Variants in MSH5 observed in about 807,000 individuals in gnomAD.
MSH5 encodes the protein mutS protein homolog 5.
MSH5 carries 78 observed loss-of-function variants against 107.7 expected under a neutral mutation model. The observed-to-expected ratio is 0.72, with a 90% CI of 0.60 to 0.87. MSH5 has a LOEUF of 0.87. MSH5 is among the 40% of genes least tolerant of loss of function. The pLI, the probability that MSH5 is intolerant of heterozygous loss-of-function variation, is 0.00. For missense variants in MSH5, 889 were observed against 1,046.6 expected (o/e 0.85, Z 2.08); for synonymous variants, 326 against 399.5 (o/e 0.82, Z 2.19).
In MSH5 at chr6:31,753,613, G is replaced by T. The variant is rs1490228829; in HGVS notation, c.998G>T (p.Trp333Leu). ...TTGTCCCACACCAAGGTCAGCGACTGGCAGGTTCTCTACAAGGTAAGGCCT... is the reference window on the plus strand; with the variant it reads ...TTGTCCCACACCAAGGTCAGCGACTTGCAGGTTCTCTACAAGGTAAGGCCT... ...MKLSHTKVSD[W>L]QVLYKTVYSA... Residue 333 changes from tryptophan (W) to leucine (L), a missense_variant, in exon 12 of 25, where the codon TGG becomes TTG. Transcript: ENST00000375750. 1 of 1,614,172 alleles carries T rather than the reference G, an allele frequency of 6.2e-7. No homozygotes were observed. Among genetic ancestry groups the T allele is most frequent in the East Asian group, 2.2e-5 (1 of 44,882 alleles).
In MSH5 at chr6:31,758,437, A is replaced by G; in HGVS notation, c.1144-111A>G. On this transcript the variant is annotated intron_variant, in intron 13 of 24. Transcript: ENST00000375750. This position sits in a 1 kb window ranked among gnomAD's most constrained non-coding sequence, Gnocchi z 5.1. ...GGAGGCAGCAGAACTTCAGGGAAGT[A>G]TCTGGAGGGTGAGAGTTAAAGGAGG... 6.4e-7 allele frequency: 1 copy of G among 1,551,182 alleles called. No homozygotes were observed. The highest frequency in any genetic ancestry group is 1.1e-5 in the South Asian group (1 of 88,436).
Position 31,760,290 on chromosome 6 carries a change from A to C in MSH5, c.1812+74A>C. 1.3e-6 allele frequency: 2 copies of C among 1,506,822 alleles called. No individual in the cohort carries two copies. Among genetic ancestry groups the C allele is most frequent in the Non-Finnish European group, 1.8e-6 (2 of 1,130,318 alleles). The allele number at this position is 1,506,822 out of a possible 1,614,324, so 93.3% of individuals were successfully genotyped here. Reference sequence around the variant, plus strand: ...TCCACCCCTACTTGCCAGCCAACTCAGGCTCCTGCAGCTCTTCTCCCATTT... The same window carrying C: ...TCCACCCCTACTTGCCAGCCAACTCCGGCTCCTGCAGCTCTTCTCCCATTT... On this transcript the variant is annotated intron_variant, in intron 19 of 24. Coordinates refer to ENST00000375750, the MANE Select transcript of MSH5 (RefSeq NM_172166.4). The surrounding 1 kb of genome is among the most constrained non-coding windows in gnomAD (Gnocchi z 5.6).
rs1233364549 is a variant in MSH5 at position 31,760,077 on chromosome 6, C to G, written c.1686-13C>G. 9 of 1,601,136 alleles carry G rather than the reference C, an allele frequency of 5.6e-6. No individual in the cohort carries two copies. In the Admixed American group the frequency reaches 1.4e-4, roughly 24 times the overall value. On this transcript the variant is annotated splice_polypyrimidine_tract_variant and intron_variant, in intron 18 of 24. Coordinates refer to ENST00000375750, the MANE Select transcript of MSH5 (RefSeq NM_172166.4). The surrounding 1 kb of genome is among the most constrained non-coding windows in gnomAD (Gnocchi z 5.6). ...TCCACAAGCCATGCGAGGTGCCTCT[C>G]CGCCCACTGCAGACATCCTCTGATG... is the stretch of plus-strand genomic sequence containing the variant.
chr6:31,749,996 T>C (rs1809805799), intron 10 of MSH5, among the ~76,000 whole-genome samples: 1 of 152,138 alleles, frequency 6.6e-6, no homozygotes, highest in Non-Finnish European at 1.5e-5. Context: ...GGCAGGGTAA[T>C]TTAATTACCC....
Position 31,745,312 on chromosome 6 carries a change from C to T in MSH5, c.759C>T (p.Ser253=), listed in dbSNP as rs560455961. The T allele has an allele frequency of 4.3e-6, 7 of 1,610,626 alleles. No homozygotes were observed. The South Asian group carries it at 5.5e-5, about 13-fold the overall frequency. ...CCAGTGGACTGAAGGAGGGGCTCAG[C>T]CTCTTTGGTAGGTGTGCCCCATCCC... ...KVASGLKEGL[S]LFGILNRCHC... Residue 253 remains serine (S), a synonymous_variant, in exon 9 of 25, where the codon AGC becomes AGT. Transcript: ENST00000375750.
chr6:31,750,083 G>C (rs1462829623), intron 10 of MSH5, among the ~76,000 whole-genome samples: 1 of 152,176 alleles, frequency 6.6e-6, no homozygotes, highest in Non-Finnish European at 1.5e-5. Context: ...CAGTGGAGAA[G>C]AGAGCTGGAT....
At position 31,758,344 on chromosome 6, in the gene MSH5, T is replaced by A; in HGVS notation, c.1143+51T>A. 1 of 1,605,962 alleles carries A rather than the reference T, an allele frequency of 6.2e-7. No homozygotes were observed. Among genetic ancestry groups the A allele is most frequent in the Non-Finnish European group, 8.5e-7 (1 of 1,175,678 alleles). On this transcript the variant is annotated intron_variant, in intron 13 of 24. Transcript: ENST00000375750. This position sits in a 1 kb window ranked among gnomAD's most constrained non-coding sequence, Gnocchi z 5.1. ...ACCCAGGGAGGTCAGGGAGAGAGAA[T>A]GCAGTGTGCAAGATGGGGAAACATG...
chr6:31,759,378 GA>G lies in MSH5; in HGVS notation c.1408-46del, dbSNP rs1171256016. 1 of 1,587,090 alleles carries G rather than the reference GA, an allele frequency of 6.3e-7. No homozygotes were observed. Among genetic ancestry groups the G allele is most frequent in the African/African-American group, 1.3e-5 (1 of 74,316 alleles). ...GGGTTAGAAAGATGGGGAAGGAGAG[GA>G]GGACCAAGAGATGCAAAGTCCACAG... On this transcript the variant is annotated intron_variant, in intron 16 of 24. Transcript: ENST00000375750. This position sits in a 1 kb window ranked among gnomAD's most constrained non-coding sequence, Gnocchi z 4.7.
chr6:31,755,621 C>G (rs1810385059), intron 12 of MSH5, among the ~76,000 whole-genome samples: 1 of 152,168 alleles, frequency 6.6e-6, no homozygotes, highest in Non-Finnish European at 1.5e-5. Context: ...CCCGGCCTCC[C>G]AAAGTGCTGG....
In MSH5 at chr6:31,747,504, A is replaced by C. The variant is rs372182240; in HGVS notation, c.812+72A>C. The C allele has an allele frequency of 4.0e-6, 6 of 1,513,976 alleles. No homozygotes were observed. The East Asian group carries it at 1.4e-4, about 34-fold the overall frequency. The allele number at this position is 1,513,976 out of a possible 1,614,324, so 93.8% of individuals were successfully genotyped here. ...TGCACACTACATACTAAAGCCTACT[A>C]ATGGCAGTATACAGATTCTCACATA... On this transcript the variant is annotated intron_variant, in intron 10 of 24. Transcript: ENST00000375750.
chr6:31,745,668 G>T (rs1255882591), intron 9 of MSH5, among the ~76,000 whole-genome samples: 1 of 151,528 alleles, frequency 6.6e-6, no homozygotes, highest in South Asian at 2.1e-4. Flanking sequence ...TATTTGATTT[G>T]TATAGAGTCT....
In MSH5 at chr6:31,761,621, G is replaced by A. The variant is rs780469831; in HGVS notation, c.2181+6G>A. The stretch of plus-strand genomic sequence containing the variant: ...GGCCCCTGGTGCAGTATTTGGTGAG[G>A]AGACCAATCTAGCTCCTCGGGGACC... On this transcript the variant is annotated splice_donor_region_variant and intron_variant, in intron 22 of 24. Coordinates refer to ENST00000375750, the MANE Select transcript of MSH5 (RefSeq NM_172166.4). The surrounding 1 kb of genome is among the most constrained non-coding windows in gnomAD (Gnocchi z 5.3). 7.4e-6 allele frequency: 12 copies of A among 1,614,130 alleles called. No individual in the cohort carries two copies. Among genetic ancestry groups the A allele is most frequent in the African/African-American group, 2.7e-5 (2 of 75,062 alleles).
At position 31,743,163 on chromosome 6, in the gene MSH5, G is replaced by T. The variant is rs779855105; in HGVS notation, c.408G>T (p.Val136=). ...CTGAAATCATATTTTTGCCAAGTGT[G>T]GATTTTGGTATCTCCTTCCTTTTGC... ...KRPEIIFLPS[V]DFGLEISKQR... Residue 136 remains valine (V), a synonymous_variant, in exon 5 of 25, where the codon GTG becomes GTT. Transcript: ENST00000375750. 2 of 1,612,800 alleles carry T rather than the reference G, an allele frequency of 1.2e-6. No individual in the cohort carries two copies. The highest frequency in any genetic ancestry group is 1.7e-6 in the Non-Finnish European group (2 of 1,179,874).
At chr6:31,751,478 A>G (rs1809954556) in intron 10 of MSH5, 1 of 151,076 alleles carries the variant, frequency 6.6e-6, no homozygotes, top group African/African-American at 2.4e-5. Flanking sequence ...TCTACTAAAA[A>G]TACAAAAATT....
Position 31,742,808 on chromosome 6 carries a change from G to A in MSH5, c.272-69G>A, listed in dbSNP as rs573301591. 2.1e-6 allele frequency: 3 copies of A among 1,453,552 alleles called. No homozygotes were observed. The South Asian group carries it at 3.4e-5, about 17-fold the overall frequency. 90.0% of individuals were successfully genotyped at this position (1,453,552 alleles called of 1,614,324 possible). A position where few individuals can be genotyped will look rare whatever the true frequency, so the allele number is the denominator to read the frequency against. Reference sequence around the variant, plus strand: ...AGAAGGAGAGGGGTAGGAAGAGGAGGGCTATGGGTTTTCTCTTAGTCAAAG... The same window carrying A: ...AGAAGGAGAGGGGTAGGAAGAGGAGAGCTATGGGTTTTCTCTTAGTCAAAG... On this transcript the variant is annotated intron_variant, in intron 3 of 24. Coordinates refer to ENST00000375750, the MANE Select transcript of MSH5 (RefSeq NM_172166.4).
chr6:31,744,094 C>A, intron 6 of MSH5, 69 bp downstream of exon 6: 1 of 1,604,188 alleles, frequency 6.2e-7, no homozygotes. Context: ...CTGGGAGGTA[C>A]TGGCCTAGCC....
chr6:31,753,068 T>C (rs1257540725), intron 10 of MSH5, among the ~76,000 whole-genome samples: 1 of 152,232 alleles, frequency 6.6e-6, no homozygotes, highest in Non-Finnish European at 1.5e-5. Context: ...CACGGTCTTA[T>C]CCGTTGAAAC....
chr6:31,760,466 C>G lies in MSH5; in HGVS notation c.1813-224C>G, dbSNP rs1758071696. On this transcript the variant is annotated intron_variant, in intron 19 of 24. Transcript: ENST00000375750. The surrounding 1 kb of genome is among the most constrained non-coding windows in gnomAD (Gnocchi z 5.6). The stretch of plus-strand genomic sequence containing the variant: ...CCTCTGAGTAGGTACACACCACTCC[C>G]AAGTATGTCTCTGCCCACGTCCCGT... Among the ~76,000 whole-genome samples, 1 of 152,238 alleles carries G rather than the reference C, an allele frequency of 6.6e-6. No individual in the cohort carries two copies. Among genetic ancestry groups the G allele is most frequent in the South Asian group, 2.1e-4 (1 of 4,838 alleles).
In MSH5 at chr6:31,762,536, C is replaced by T; in HGVS notation, c.*5C>T. The T allele has an allele frequency of 2.5e-6, 4 of 1,601,502 alleles. No individual in the cohort carries two copies. The highest frequency in any genetic ancestry group is 3.4e-6 in the Non-Finnish European group (4 of 1,168,684). On this transcript the variant is annotated 3_prime_UTR_variant, in exon 25 of 25. Transcript: ENST00000375750. ...GCTGCCACCAGCATCCTCTGAGAGTCCTTCCAGTGTCCTCCCCAGCCTCCT... is the reference window on the plus strand; with the variant it reads ...GCTGCCACCAGCATCCTCTGAGAGTTCTTCCAGTGTCCTCCCCAGCCTCCT...
Sources: gnomAD v4.1 joint callset for allele counts (sites outside exome capture counted in the v4.1 genomes callset) on GRCh38, gnomAD v4.1.1 for gene constraint, Gnocchi (gnomAD v3.1) non-coding constraint, MANE v1.5 for transcripts, NCBI Gene and HGNC (gene_info 2026-07-23, HGNC 2026-07-21) for gene names.